Variants in LTO1 observed in about 807,000 individuals in gnomAD.
LTO1 encodes protein LTO1 homolog.
In LTO1, 18 loss-of-function variants were observed where a neutral mutation model predicts 19.8. That is an observed-to-expected ratio of 0.91 (90% CI 0.63 to 1.35). The LOEUF (loss-of-function observed/expected upper bound fraction) is 1.35. Ranked by LOEUF, LTO1 falls within the 40% of genes most tolerant of loss-of-function variation. The pLI, the probability that LTO1 is intolerant of heterozygous loss-of-function variation, is 0.00. For missense variants in LTO1, 175 were observed against 167.9 expected (o/e 1.04, Z -0.23); for synonymous variants, 59 against 59.6 (o/e 0.99, Z 0.05).
Position 69,675,313 on chromosome 11 carries a change from G to C in LTO1, c.-74C>G. ...TGCCGTAGCAGACCCGGCAGCTTCA[G>C]GCACAAATGCTCCGCTTGGGAGGAG... On this transcript the variant is annotated 5_prime_UTR_variant, in exon 1 of 5. Coordinates refer to ENST00000279147, the MANE Select transcript of LTO1 (RefSeq NM_153451.3). The C allele has an allele frequency of 1.6e-6, 2 of 1,226,400 alleles. No individual in the cohort carries two copies. The highest frequency in any genetic ancestry group is 2.2e-6 in the Non-Finnish European group (2 of 902,168). The allele number at this position is 1,226,400 out of a possible 1,614,324, so 76.0% of individuals were successfully genotyped here. A position where few individuals can be genotyped will look rare whatever the true frequency, so the allele number is the denominator to read the frequency against.
rs1415233339 is a variant in LTO1, at chr11:69,668,422, A to G, written c.228-410T>C. On this transcript the variant is annotated intron_variant, in intron 3 of 4. Transcript: ENST00000279147. Reference sequence around the variant, plus strand: ...GGATTCTTTGTGCTCAAAGCCTTCCAAAGTTCAGCTGCAGGTAAACCAGCA... The same window carrying G: ...GGATTCTTTGTGCTCAAAGCCTTCCGAAGTTCAGCTGCAGGTAAACCAGCA... 2.5e-5 allele frequency: 4 copies of G among 162,894 alleles called. No individual in the cohort carries two copies. In the East Asian group the frequency reaches 7.0e-4, roughly 28 times the overall value. The allele number at this position is 162,894 out of a possible 1,614,324, so 10.1% of individuals were successfully genotyped here. A position where few individuals can be genotyped will look rare whatever the true frequency, so the allele number is the denominator to read the frequency against.
intron 3 of LTO1, chr11:69,671,485 T>G (rs914923392): frequency 7.3e-6 from 3 of 410,434 alleles, no homozygotes; most frequent in Non-Finnish European, 1.3e-5. Context: ...CATGGTGCAC[T>G]AATGACTCCA....
intron 2 of LTO1, 69 bp downstream of exon 2, chr11:69,673,147 C>G (rs1385579056): frequency 2.1e-6 from 2 of 933,012 alleles, no homozygotes; most frequent in African/African-American, 3.2e-5. Context: ...CTCCATCACA[C>G]TGAATATCGA....
At position 69,665,952 on chromosome 11, in the gene LTO1, C is replaced by A. The variant is rs1004952979; in HGVS notation, c.*1567G>T. On this transcript the variant is annotated 3_prime_UTR_variant, in exon 5 of 5. Coordinates refer to ENST00000279147, the MANE Select transcript of LTO1 (RefSeq NM_153451.3). The stretch of plus-strand genomic sequence containing the variant: ...GGTGGATCATTTCAGGCTGGGAGTT[C>A]AAGACCAGCCTGGCCAACAAGGCAA... 7 of 152,126 alleles carry A rather than the reference C, an allele frequency of 4.6e-5. No individual in the cohort carries two copies. The highest frequency in any genetic ancestry group is 1.7e-4 in the African/African-American group (7 of 41,410). The allele number at this position is 152,126 out of a possible 1,614,324, so 9.4% of individuals were successfully genotyped here. A position where few individuals can be genotyped will look rare whatever the true frequency, so the allele number is the denominator to read the frequency against.
At chr11:69,667,826 G>A (rs776862011) in intron 4 of LTO1, 69 bp downstream of exon 4, 2 of 881,246 alleles carry the variant, frequency 2.3e-6, no homozygotes, top group African/African-American at 1.6e-5. Flanking sequence ...GGCCCCGGGA[G>A]TGCGCTGCCC....
intron 1 of LTO1, among the ~76,000 whole-genome samples, chr11:69,673,584 T>A (rs1856143034): frequency 6.6e-6 from 1 of 151,704 alleles, no homozygotes; most frequent in Non-Finnish European, 1.5e-5. Flanking sequence ...CCTGATAGGG[T>A]ACTAGAAACA....
In LTO1 at chr11:69,673,266, T is replaced by G. The variant is rs1271059981; in HGVS notation, c.106A>C (p.Met36Leu). The stretch of plus-strand genomic sequence containing the variant: ...AGCGTGCCATGCTGCCTTCCCTCCA[T>G]CACACCCAAACTACTGCCTTCTTCA... ...GYEEGSSLGVMEGRQHGTLHG... is the reference protein window; with the variant it reads ...GYEEGSSLGVLEGRQHGTLHG... The change falls in exon 2 of 5, where the codon ATG (methionine) becomes CTG (leucine). Residue 36 changes from methionine to leucine, a missense_variant. By Grantham distance (15) the Met-to-Leu change is conservative (BLOSUM62 2). Coordinates refer to ENST00000279147, the MANE Select transcript of LTO1 (RefSeq NM_153451.3). 6.2e-7 allele frequency: 1 copy of G among 1,613,754 alleles called. No individual in the cohort carries two copies. Among genetic ancestry groups the G allele is most frequent in the Non-Finnish European group, 8.5e-7 (1 of 1,179,796 alleles).
chr11:69,672,056 C>G lies in LTO1; in HGVS notation c.157-237G>C, dbSNP rs1856117619. On this transcript the variant is annotated intron_variant, in intron 2 of 4. Coordinates refer to ENST00000279147, the MANE Select transcript of LTO1 (RefSeq NM_153451.3). ...CCTGGTACCCATGCCCTGTGCAGGT[C>G]CCTCGACACTCCACCAGGGTGGCTT... 9 of 492,642 alleles carry G rather than the reference C, an allele frequency of 1.8e-5. No individual in the cohort carries two copies. The East Asian group carries it at 3.4e-4, about 18-fold the overall frequency. 30.5% of individuals were successfully genotyped at this position (492,642 alleles called of 1,614,324 possible).
At position 69,671,771 on chromosome 11, in the gene LTO1, T is replaced by G. The variant is rs199737892; in HGVS notation, c.205A>C (p.Ser69Arg). 7 of 1,600,668 alleles carry G rather than the reference T, an allele frequency of 4.4e-6. No individual in the cohort carries two copies. In the African/African-American group the frequency reaches 6.7e-5, roughly 15 times the overall value. Residue 69 changes from serine (S) to arginine (R), a missense_variant, in exon 3 of 5, where the codon AGT becomes CGT. Coordinates refer to ENST00000279147, the MANE Select transcript of LTO1 (RefSeq NM_153451.3). Reference protein sequence around the residue: ...FAFAWKCLLHSCTTEKDSRKM... With the variant: ...FAFAWKCLLHRCTTEKDSRKM... ...TACCTGTCCTTCTCAGTGGTGCAACTGTGCAGTAGACATTTCCATGCAAAA... is the reference window on the plus strand; with the variant it reads ...TACCTGTCCTTCTCAGTGGTGCAACGGTGCAGTAGACATTTCCATGCAAAA...
intron 2 of LTO1, chr11:69,672,430 C>G: frequency 6.4e-6 from 1 of 156,396 alleles, no homozygotes; most frequent in African/African-American, 2.4e-5. Context: ...TTCACAGCAT[C>G]GAACATCCAA....
rs1456555953 is a variant in LTO1 at position 69,667,461 on chromosome 11, T to C, written c.*58A>G. ...ACCGTCTGGCCCTTCACCGCATTTC[T>C]AAACACGTCACACACACATCTGTTC... On this transcript the variant is annotated 3_prime_UTR_variant, in exon 5 of 5. Transcript: ENST00000279147. 2 of 1,178,524 alleles carry C rather than the reference T, an allele frequency of 1.7e-6. No individual in the cohort carries two copies. Among genetic ancestry groups the C allele is most frequent in the Non-Finnish European group, 2.5e-6 (2 of 784,432 alleles). The allele number at this position is 1,178,524 out of a possible 1,614,324, so 73.0% of individuals were successfully genotyped here.
intron 1 of LTO1, 63 bp from the exon 2 acceptor site, chr11:69,673,384 TTC>T (rs2119851616): frequency 2.6e-6 from 3 of 1,142,288 alleles, no homozygotes; most frequent in South Asian, 2.5e-5. Context: ...CCAGAAAAAC[TTC>T]TCTCTCTTGT....
chr11:69,674,096 G>A (rs576567042), intron 1 of LTO1, among the ~76,000 whole-genome samples: 2 of 151,954 alleles, frequency 1.3e-5, no homozygotes, highest in South Asian at 4.2e-4. Flanking sequence ...CTCGTGATCC[G>A]CCCGCCTCGG....
intron 1 of LTO1, 187 bp downstream of exon 1, chr11:69,675,003 G>A (rs1321606631): frequency 4.3e-6 from 3 of 695,514 alleles, no homozygotes; most frequent in Admixed American, 4.1e-5. Flanking sequence ...CCGCCGGAGC[G>A]GGCCAGGAGA....
chr11:69,668,060 C>T (rs371699292), intron 3 of LTO1, 48 bp from the exon 4 acceptor site: 3 of 916,846 alleles, frequency 3.3e-6, no homozygotes, highest in African/African-American at 3.2e-5. Flanking sequence ...ACACAACAGG[C>T]TCAACTTACA....
In LTO1 at chr11:69,673,241, A is replaced by G. The variant is rs775601114; in HGVS notation, c.131T>C (p.Leu44Pro). ...GVMEGRQHGTLHGAKIGSEIG... is the reference protein window; with the variant it reads ...GVMEGRQHGTPHGAKIGSEIG... ...CTCAGACCCGATTTTGGCTCCATGC[A>G]GCGTGCCATGCTGCCTTCCCTCCAT... Residue 44 changes from leucine (L) to proline (P), a missense_variant, in exon 2 of 5, where the codon CTG becomes CCG. By Grantham distance (98) the Leu-to-Pro change is moderately conservative. Coordinates refer to ENST00000279147, the MANE Select transcript of LTO1 (RefSeq NM_153451.3). The G allele has an allele frequency of 2.5e-6, 4 of 1,612,146 alleles. No individual in the cohort carries two copies. The highest frequency in any genetic ancestry group is 3.4e-6 in the Non-Finnish European group (4 of 1,178,126).
intron 3 of LTO1, among the ~76,000 whole-genome samples, chr11:69,670,286 C>G (rs569308585): frequency 6.6e-6 from 1 of 152,340 alleles, no homozygotes; most frequent in South Asian, 2.1e-4. Flanking sequence ...TGGCACACAG[C>G]GGAGCACTTC....
intron 4 of LTO1, 119 bp from the exon 5 acceptor site, chr11:69,667,706 C>A: frequency 1.3e-6 from 1 of 774,130 alleles, no homozygotes; most frequent in Non-Finnish European, 2.2e-6. Flanking sequence ...TAAATGAGTT[C>A]TAACTCCTTT....
Position 69,671,772 on chromosome 11 carries a change from G to A in LTO1, c.204C>T (p.His68=), listed in dbSNP as rs1856112980. 4 of 1,599,972 alleles carry A rather than the reference G, an allele frequency of 2.5e-6. No individual in the cohort carries two copies. Among genetic ancestry groups the A allele is most frequent in the Non-Finnish European group, 3.4e-6 (4 of 1,167,220 alleles). The change falls in exon 3 of 5, where the codon CAC becomes CAT. Residue 68 remains histidine, a synonymous_variant. Coordinates refer to ENST00000279147, the MANE Select transcript of LTO1 (RefSeq NM_153451.3). ...GFAFAWKCLL[H]SCTTEKDSRK... Reference sequence around the variant, plus strand: ...ACCTGTCCTTCTCAGTGGTGCAACTGTGCAGTAGACATTTCCATGCAAAAG... The same window carrying A: ...ACCTGTCCTTCTCAGTGGTGCAACTATGCAGTAGACATTTCCATGCAAAAG...
Sources: allele counts gnomAD v4.1 joint callset (sites outside exome capture counted in the v4.1 genomes callset), GRCh38; gene constraint gnomAD v4.1.1; transcripts MANE v1.5; gene names NCBI Gene and HGNC (gene_info 2026-07-23, HGNC 2026-07-21).